LRRC74A: variants seen among roughly 807,000 people sequenced by gnomAD.
The protein encoded by LRRC74A is leucine-rich repeat-containing protein 74A.
Under a neutral mutation model 57.9 loss-of-function variants are expected in LRRC74A, and 44 were observed. The ratio of observed to expected loss-of-function variants is 0.76; its 90% CI spans 0.60 to 0.98. The LOEUF is 0.98. LRRC74A is among the 50% of genes least tolerant of loss of function. LRRC74A has a pLI of 0.00. For synonymous variants in LRRC74A, 211 were observed against 219.4 expected (o/e 0.96, Z 0.34); for missense variants, 572 against 574.0 (o/e 1.00, Z 0.04).
chr14:76,867,653 C>G (rs1285846359), intron 13 of LRRC74A, among the ~76,000 whole-genome samples: 2 of 152,200 alleles, frequency 1.3e-5, no homozygotes, highest in African/African-American at 4.8e-5. Flanking sequence ...GCGCTGCTGG[C>G]TGCTGGGCCG....
chr14:76,837,786 G>T, intron 4 of LRRC74A, 89 bp from the exon 5 acceptor site: 1 of 739,152 alleles, frequency 1.4e-6, no homozygotes, highest in South Asian at 1.8e-5. Context: ...CTCAGCACAG[G>T]ACTCAAGTAA....
chr14:76,850,106 G>A (rs1230830172), intron 7 of LRRC74A, among the ~76,000 whole-genome samples: 3 of 152,034 alleles, frequency 2.0e-5, no homozygotes, highest in African/African-American at 7.2e-5. Context: ...TACTCGGGAG[G>A]CTGAGGCAGG....
At chr14:76,845,029 A>T in intron 7 of LRRC74A, 128 bp downstream of exon 7, 1 of 620,190 alleles carries the variant, frequency 1.6e-6, no homozygotes, top group East Asian at 2.8e-5. Context: ...AACATGCCCA[A>T]AATACATTCA....
intron 13 of LRRC74A, 119 bp from the exon 14 acceptor site, chr14:76,870,006 A>G: frequency 9.5e-7 from 1 of 1,056,534 alleles, no homozygotes; most frequent in Non-Finnish European, 1.4e-6. Flanking sequence ...CATGACCTCT[A>G]AGGCCAGAGA....
intron 7 of LRRC74A, among the ~76,000 whole-genome samples, chr14:76,849,175 G>A (rs1226633394): frequency 5.3e-5 from 8 of 152,008 alleles, no homozygotes; most frequent in East Asian, 3.9e-4. Context: ...TTTTTGAGGC[G>A]GAGTCTCGCT....
chr14:76,869,760 TAAAAAA>T, intron 13 of LRRC74A, among the ~76,000 whole-genome samples: 1 of 108,860 alleles, frequency 9.2e-6, no homozygotes, highest in East Asian at 2.3e-4. Context: ...AGACTCCATC[TAAAAAA>T]AAAAAAAAAG....
rs762746889 is a variant in LRRC74A, at chr14:76,867,453, C to G, written c.1391+15C>G. On this transcript the variant is annotated intron_variant, in intron 13 of 13. Coordinates refer to ENST00000689127, the MANE Select transcript of LRRC74A (RefSeq NM_001385106.1). The stretch of plus-strand genomic sequence containing the variant: ...GTGAACTTCAGGTCAGCCCAGGCCC[C>G]GCGACGATCCCCGTTCTCTGCAAGG... 1.0e-5 allele frequency: 15 copies of G among 1,475,050 alleles called. No homozygotes were observed. Among genetic ancestry groups the G allele is most frequent in the African/African-American group, 1.4e-5 (1 of 72,072 alleles). The allele number at this position is 1,475,050 out of a possible 1,614,324, so 91.4% of individuals were successfully genotyped here.
intron 13 of LRRC74A, 25 bp from the exon 14 acceptor site, chr14:76,870,100 A>G: frequency 6.2e-7 from 1 of 1,608,592 alleles, no homozygotes; most frequent in South Asian, 1.1e-5. Context: ...GGTGCTCAGC[A>G]TCTTTCCCTT....
intron 13 of LRRC74A, among the ~76,000 whole-genome samples, chr14:76,868,967 G>A (rs1595413866): frequency 2.0e-5 from 3 of 152,222 alleles, no homozygotes; most frequent in Admixed American, 6.5e-5. Context: ...GGCGTCACTC[G>A]GTAGGGACAC....
chr14:76,841,665 T>C (rs1896780364), intron 5 of LRRC74A, among the ~76,000 whole-genome samples: 1 of 152,046 alleles, frequency 6.6e-6, no homozygotes, highest in African/African-American at 2.4e-5. Context: ...TTTATGAACA[T>C]GGTTTATCTC....
chr14:76,849,803 C>CAAA (rs35817889), intron 7 of LRRC74A, among the ~76,000 whole-genome samples: 13 of 130,674 alleles, frequency 9.9e-5, no homozygotes, highest in Non-Finnish European at 1.3e-4. Context: ...AATTCTGCCT[C>CAAA]AAAAAAAAAA....
intron 3 of LRRC74A, among the ~76,000 whole-genome samples, chr14:76,834,966 T>A (rs1466216427): frequency 6.6e-6 from 1 of 152,128 alleles, no homozygotes; most frequent in Non-Finnish European, 1.5e-5. Context: ...ACATTTTCCT[T>A]TTTCAGGGGA....
At chr14:76,826,866 T>G in intron 1 of LRRC74A, 132 bp downstream of exon 1, 1 of 541,790 alleles carries the variant, frequency 1.8e-6, no homozygotes, top group Non-Finnish European at 3.2e-6. Flanking sequence ...TGATTTGTTA[T>G]ACTGACTTGG....
chr14:76,870,227 G>T lies in LRRC74A; in HGVS notation c.*78G>T. The T allele has an allele frequency of 6.7e-7, 1 of 1,484,544 alleles. No homozygotes were observed. The highest frequency in any genetic ancestry group is 1.9e-5 in the Admixed American group (1 of 52,312). 92.0% of individuals were successfully genotyped at this position (1,484,544 alleles called of 1,614,324 possible). On this transcript the variant is annotated 3_prime_UTR_variant, in exon 14 of 14. Transcript: ENST00000689127. ...GATGGTGGCAGGGAGGAGAGCAAGA[G>T]GTGGCTGAAATCTCGATGGACAGAT...
chr14:76,848,742 A>G (rs1487580689), intron 7 of LRRC74A, among the ~76,000 whole-genome samples: 1 of 152,216 alleles, frequency 6.6e-6, no homozygotes, highest in Non-Finnish European at 1.5e-5. Flanking sequence ...GAATAAACTG[A>G]TGCTACAGAA....
At chr14:76,863,551 T>C (rs1898498411) in intron 11 of LRRC74A, among the ~76,000 whole-genome samples, 1 of 152,180 alleles carries the variant, frequency 6.6e-6, no homozygotes, top group South Asian at 2.1e-4. Context: ...TTGGATTCCC[T>C]GGTCAAGAGC....
At chr14:76,829,201 C>A in intron 2 of LRRC74A, 2 of 1,288,962 alleles carry the variant, frequency 1.6e-6, no homozygotes, top group South Asian at 2.5e-5. Context: ...CTAGCCCAGT[C>A]ACCCTTCCTC....
rs376082185 is a variant in LRRC74A at position 76,828,384 on chromosome 14, C to T, written c.131C>T (p.Ala44Val). ...CCGACTGTTGAAAAAGTGAAACCAG[C>T]CCGGGAGAATTCGGAAACAGACCTG... ...SPPTVEKVKPARENSETDLEI... is the reference protein window; with the variant it reads ...SPPTVEKVKPVRENSETDLEI... The change falls in exon 2 of 14, where the codon GCC (alanine) becomes GTC (valine). Residue 44 changes from alanine (A) to valine (V), a missense_variant. Transcript: ENST00000689127. 6.2e-7 allele frequency: 1 copy of T among 1,614,008 alleles called. No homozygotes were observed. The highest frequency in any genetic ancestry group is 8.5e-7 in the Non-Finnish European group (1 of 1,179,882).
At position 76,826,677 on chromosome 14, in the gene LRRC74A, C is replaced by T. The variant is rs1440430582; in HGVS notation, c.-21C>T. On this transcript the variant is annotated 5_prime_UTR_variant, in exon 1 of 14. Coordinates refer to ENST00000689127, the MANE Select transcript of LRRC74A (RefSeq NM_001385106.1). ...GAGGTGGCAAGAAGTTGGCAGCTGCCCTCAAGAGGGTCCTGGCACCATGGA... is the reference window on the plus strand; with the variant it reads ...GAGGTGGCAAGAAGTTGGCAGCTGCTCTCAAGAGGGTCCTGGCACCATGGA... 1.9e-6 allele frequency: 3 copies of T among 1,578,860 alleles called. No individual in the cohort carries two copies. Among genetic ancestry groups the T allele is most frequent in the African/African-American group, 2.7e-5 (2 of 74,188 alleles).
Sources: gnomAD v4.1 joint callset for allele counts (sites outside exome capture counted in the v4.1 genomes callset) on GRCh38, gnomAD v4.1.1 for gene constraint, MANE v1.5 for transcripts, NCBI Gene and HGNC (gene_info 2026-07-23, HGNC 2026-07-21) for gene names.